Variants in ZNF678 observed in about 807,000 individuals in gnomAD.
ZNF678 encodes the protein hypothetical protein MGC42493.
In ZNF678, 5 loss-of-function variants were observed where a neutral mutation model predicts 3.0. The ratio of observed to expected loss-of-function variants is 1.69; its 90% confidence interval spans 0.88 to 3.56. The LOEUF is 3.56. ZNF678 is among the 30% of genes most tolerant of loss of function. The pLI, the probability that ZNF678 is intolerant of heterozygous loss-of-function variation, is 0.00. For missense variants in ZNF678, 593 were observed against 605.0 expected, an observed-to-expected ratio of 0.98 and a Z score of 0.21; for synonymous variants, 218 against 199.6, an observed-to-expected ratio of 1.09 and a Z score of -0.78.
chr1:227,632,446 T>A (rs1221540459), intron 1 of ZNF678, among the ~76,000 whole-genome samples: 1 of 152,150 alleles, frequency 6.6e-6, no homozygotes, highest in Non-Finnish European at 1.5e-5. Flanking sequence ...CATGGGCGAC[T>A]GTTGAGTAGA....
chr1:227,654,967 C>G lies in ZNF678; in HGVS notation c.717C>G (p.Cys239Trp). 6.2e-7 allele frequency: 1 copy of G among 1,608,396 alleles called. No individual in the cohort carries two copies. The highest frequency in any genetic ancestry group is 8.5e-7 in the Non-Finnish European group (1 of 1,178,156). ...ATACTGGAGAGAAACCCTACAAATG[C>G]AAAGAATGTTGCAAAGCCTTTAACA... ...RIHTGEKPYK[C>W]KECCKAFNKF... The change falls in exon 4 of 4, where the codon TGC becomes TGG. Residue 239 changes from cysteine (C) to tryptophan (W), a missense_variant. By Grantham distance (215) the Cys-to-Trp change is radical. Transcript: ENST00000343776.
intron 1 of ZNF678, among the ~76,000 whole-genome samples, chr1:227,578,251 G>A (rs1035379696): frequency 1.3e-4 from 20 of 152,046 alleles, no homozygotes; most frequent in African/African-American, 2.2e-4. Flanking sequence ...TTACTGGTGC[G>A]TTCTGCATTT....
At chr1:227,613,460 G>A (rs1658072342) in intron 1 of ZNF678, among the ~76,000 whole-genome samples, 1 of 152,168 alleles carries the variant, frequency 6.6e-6, no homozygotes, top group South Asian at 2.1e-4. Flanking sequence ...TTACAGGGGT[G>A]GATGTGCCAC....
In ZNF678 at chr1:227,656,773, C is replaced by G. The variant is rs1237236800; in HGVS notation, c.*945C>G. On this transcript the variant is annotated 3_prime_UTR_variant, in exon 4 of 4. Coordinates refer to ENST00000343776, the MANE Select transcript of ZNF678 (RefSeq NM_001367909.1). Reference sequence around the variant, plus strand: ...GTTGCACATTAAGATAATACAGTAGCTTTTGAAATGTTATTTTTAGAATGC... The same window carrying G: ...GTTGCACATTAAGATAATACAGTAGGTTTTGAAATGTTATTTTTAGAATGC... 6.6e-6 allele frequency: 1 copy of G among 151,864 alleles called. No homozygotes were observed. The highest frequency in any genetic ancestry group is 2.4e-5 in the African/African-American group (1 of 41,392). The allele number at this position is 151,864 out of a possible 1,614,324, so 9.4% of individuals were successfully genotyped here.
At chr1:227,572,213 C>G (rs988025051) in intron 1 of ZNF678, among the ~76,000 whole-genome samples, 4 of 152,226 alleles carry the variant, frequency 2.6e-5, no homozygotes, top group Non-Finnish European at 5.9e-5. Context: ...AAGGACAGCC[C>G]CATGATCTAA....
At chr1:227,643,159 TTAG>T (rs1270659445) in intron 1 of ZNF678, among the ~76,000 whole-genome samples, 1 of 151,842 alleles carries the variant, frequency 6.6e-6, no homozygotes, top group Non-Finnish European at 1.5e-5. Flanking sequence ...AACAGAATTA[TTAG>T]TAGTAGGAGG....
intron 1 of ZNF678, among the ~76,000 whole-genome samples, chr1:227,609,203 A>C (rs1189319181): frequency 6.6e-6 from 1 of 152,210 alleles, no homozygotes; most frequent in Non-Finnish European, 1.5e-5. Flanking sequence ...AAATAAAGTT[A>C]ATATACAATG....
intron 5 of ZNF678, among the ~76,000 whole-genome samples, chr1:227,675,462 GATTA>G (rs1049850302): frequency 2.0e-5 from 3 of 152,202 alleles, no homozygotes; most frequent in Middle Eastern, 3.4e-3. Context: ...TTTATTATTT[GATTA>G]ATTATATATA....
At chr1:227,621,640 G>A (rs932831660) in intron 1 of ZNF678, among the ~76,000 whole-genome samples, 24 of 152,212 alleles carry the variant, frequency 1.6e-4, no homozygotes, top group Non-Finnish European at 2.6e-4. Context: ...ATTAGTGTGA[G>A]TGTGCCTTTT....
At chr1:227,676,259 G>A (rs192035226) in intron 5 of ZNF678, among the ~76,000 whole-genome samples, 9 of 152,194 alleles carry the variant, frequency 5.9e-5, no homozygotes, top group East Asian at 1.9e-4. Context: ...AGAGTACCTC[G>A]AAGAAGCAAA....
chr1:227,609,892 C>G (rs1410953139), intron 1 of ZNF678, among the ~76,000 whole-genome samples: 2 of 152,036 alleles, frequency 1.3e-5, no homozygotes, highest in Non-Finnish European at 2.9e-5. Flanking sequence ...TGCCACCACG[C>G]CCAGCTAATT....
At chr1:227,618,024 A>G (rs1226571066) in intron 1 of ZNF678, among the ~76,000 whole-genome samples, 1 of 152,186 alleles carries the variant, frequency 6.6e-6, no homozygotes, top group Admixed American at 6.5e-5. Flanking sequence ...CAACCTGACT[A>G]TAGCCACCCC....
At position 227,654,946 on chromosome 1, in the gene ZNF678, T is replaced by G; in HGVS notation, c.696T>G (p.Thr232=). The G allele has an allele frequency of 6.2e-7, 1 of 1,612,678 alleles. No homozygotes were observed. Among genetic ancestry groups the G allele is most frequent in the Non-Finnish European group, 8.5e-7 (1 of 1,179,468 alleles). Residue 232 remains threonine (T), a synonymous_variant, in exon 4 of 4, where the codon ACT becomes ACG. Coordinates refer to ENST00000343776, the MANE Select transcript of ZNF678 (RefSeq NM_001367909.1). ...TTACACAACATAAGAGAATTCATAC[T>G]GGAGAGAAACCCTACAAATGCAAAG... ...SNLTQHKRIH[T]GEKPYKCKEC...
intron 1 of ZNF678, among the ~76,000 whole-genome samples, chr1:227,635,085 C>CCAAA (rs112291585): frequency 2.7e-5 from 4 of 145,536 alleles, no homozygotes; most frequent in Admixed American, 2.0e-4. Context: ...GCCTGGTAAT[C>CCAAA]AAAAAAAAAA....
At position 227,655,396 on chromosome 1, in the gene ZNF678, T is replaced by C. The variant is rs1476484301; in HGVS notation, c.1146T>C (p.Cys382=). The C allele has an allele frequency of 1.9e-6, 3 of 1,612,582 alleles. No individual in the cohort carries two copies. Among genetic ancestry groups the C allele is most frequent in the Non-Finnish European group, 1.7e-6 (2 of 1,179,358 alleles). ...AGAAACCCTACAAATGCAAAGAATGTGGCAAAGCGTTTAACAAGTTCTCAA... is the reference window on the plus strand; with the variant it reads ...AGAAACCCTACAAATGCAAAGAATGCGGCAAAGCGTTTAACAAGTTCTCAA... ...TGEKPYKCKE[C]GKAFNKFSSL... The change falls in exon 4 of 4, where the codon TGT becomes TGC. Residue 382 remains cysteine, a synonymous_variant. Coordinates refer to ENST00000343776, the MANE Select transcript of ZNF678 (RefSeq NM_001367909.1).
In ZNF678 at chr1:227,660,297, CATT is replaced by C. The variant is rs977500485; in HGVS notation, c.*4472_*4474del. On this transcript the variant is annotated 3_prime_UTR_variant, in exon 4 of 4. Transcript: ENST00000343776. ...AAAATTTTATTGATATTTTGATAGA[CATT>C]ATGTTAAATATATACATCATTTTGT... 7.3e-5 allele frequency: 11 copies of C among 150,962 alleles called. No individual in the cohort carries two copies. The highest frequency in any genetic ancestry group is 1.3e-4 in the Non-Finnish European group (9 of 67,778). The allele number at this position is 150,962 out of a possible 1,614,324, so 9.4% of individuals were successfully genotyped here. A position where few individuals can be genotyped will look rare whatever the true frequency, so the allele number is the denominator to read the frequency against.
chr1:227,591,177 G>A (rs1657403253), intron 1 of ZNF678, among the ~76,000 whole-genome samples: 1 of 151,818 alleles, frequency 6.6e-6, no homozygotes, highest in Non-Finnish European at 1.5e-5. Context: ...GCTCAGGAGA[G>A]CGTTTATAAA....
intron 1 of ZNF678, among the ~76,000 whole-genome samples, chr1:227,640,437 T>C (rs1658791502): frequency 6.6e-6 from 1 of 150,560 alleles, no homozygotes; most frequent in Admixed American, 6.6e-5. Flanking sequence ...AGAGGTAGGG[T>C]TGGGAGGAGA....
At chr1:227,608,985 A>G (rs1657947579) in intron 1 of ZNF678, among the ~76,000 whole-genome samples, 2 of 152,244 alleles carry the variant, frequency 1.3e-5, no homozygotes, top group Non-Finnish European at 2.9e-5. Flanking sequence ...ATTAGAATTT[A>G]TAAGCCACAT....
Sources: allele counts gnomAD v4.1 joint callset (sites outside exome capture counted in the v4.1 genomes callset), GRCh38; gene constraint gnomAD v4.1.1; transcripts MANE v1.5; gene names NCBI Gene and HGNC (gene_info 2026-07-23, HGNC 2026-07-21).